Variants in PITPNB observed in about 807,000 individuals in gnomAD.
The protein encoded by PITPNB is phosphatidylinositol transfer protein beta isoform.
A neutral mutation model predicts 45.9 loss-of-function variants in PITPNB; 16 were observed. The ratio of observed to expected loss-of-function variants is 0.35; its 90% confidence interval spans 0.24 to 0.53. The LOEUF is 0.53. Ranked by LOEUF, PITPNB falls within the 20% of genes least tolerant of loss-of-function variation. PITPNB has a pLI of 0.93. For synonymous variants in PITPNB, 112 were observed against 108.9 expected, an observed-to-expected ratio of 1.03 and a Z score of -0.18; for missense variants, 188 against 330.5, an observed-to-expected ratio of 0.57 and a Z score of 3.34.
chr22:27,856,051 G>A (rs1320063642), intron 10 of PITPNB, among the ~76,000 whole-genome samples: 1 of 152,158 alleles, frequency 6.6e-6, no homozygotes, highest in Non-Finnish European at 1.5e-5. Flanking sequence ...TTGATTCTGT[G>A]TGTGGAACCA....
At chr22:27,874,027 C>T (rs540832925) in intron 7 of PITPNB, among the ~76,000 whole-genome samples, 1 of 152,322 alleles carries the variant, frequency 6.6e-6, no homozygotes, top group African/African-American at 2.4e-5. Context: ...TAAATAACTA[C>T]ATAATAAGAA....
intron 7 of PITPNB, among the ~76,000 whole-genome samples, chr22:27,892,506 C>T (rs5997321): frequency 1.1e-4 from 17 of 152,224 alleles, no homozygotes; most frequent in African/African-American, 4.1e-4. Context: ...AATGCCTTCC[C>T]CAGGGCACCC....
intron 1 of PITPNB, among the ~76,000 whole-genome samples, chr22:27,917,341 T>C (rs11705451): frequency 2.6e-5 from 4 of 152,192 alleles, no homozygotes; most frequent in African/African-American, 4.8e-5. Flanking sequence ...AATACTCCAA[T>C]GAAAGAAAAA....
chr22:27,884,320 G>C (rs1355922410), intron 7 of PITPNB, among the ~76,000 whole-genome samples: 1 of 152,208 alleles, frequency 6.6e-6, no homozygotes, highest in Non-Finnish European at 1.5e-5. Context: ...GTAAGGAAGA[G>C]GCACATGAGA....
At position 27,854,897 on chromosome 22, in the gene PITPNB, C is replaced by T; in HGVS notation, c.811G>A (p.Val271Ile). 1.2e-6 allele frequency: 2 copies of T among 1,613,838 alleles called. No individual in the cohort carries two copies. The highest frequency in any genetic ancestry group is 1.7e-6 in the Non-Finnish European group (2 of 1,179,718). ...TGACCCTACAGGGGACTCATCTAGA[C>T]ATCAGCAGCCGACGTGCCTCGAACG... Reference protein sequence around the residue: ...GSVRGTSAADV With the variant: ...GSVRGTSAADI Residue 271 changes from valine (V) to isoleucine (I), a missense_variant, in exon 11 of 12, where the codon GTC becomes ATC. Physicochemically the swap from Val to Ile is conservative, Grantham distance 29 (BLOSUM62 3). Transcript: ENST00000335272.
In PITPNB at chr22:27,854,936, G is replaced by T. The variant is rs1934129098; in HGVS notation, c.772C>A (p.Arg258Ser). The T allele has an allele frequency of 1.2e-6, 2 of 1,611,270 alleles. No individual in the cohort carries two copies. Among genetic ancestry groups the T allele is most frequent in the Non-Finnish European group, 1.7e-6 (2 of 1,177,524 alleles). The stretch of plus-strand genomic sequence containing the variant: ...GTGCCTCGAACGGAACCCCTCTTAC[G>T]CATCTAAACGTAAAATAAAATTGTG... ...DETQKELETM[R>S]KRGSVRGTSA... The change falls in exon 11 of 12, where the codon CGT becomes AGT. Residue 258 changes from arginine (R) to serine (S), a missense_variant. Transcript: ENST00000335272.
intron 3 of PITPNB, among the ~76,000 whole-genome samples, chr22:27,898,419 G>A (rs1235803022): frequency 6.6e-6 from 1 of 151,008 alleles, no homozygotes; most frequent in Admixed American, 6.6e-5. Context: ...TTGTGTGTGT[G>A]TGTGTGGTTT....
rs538129000 is a variant in PITPNB, at chr22:27,906,041, T to C, written c.197+4923A>G. ...AGACAAACATGCACATATGGAAATA[T>C]ATGACTAGGTATCAAAATGAGTCGA... On this transcript the variant is annotated intron_variant, in intron 3 of 11. Coordinates refer to ENST00000335272, the MANE Select transcript of PITPNB (RefSeq NM_012399.5). 6.6e-5 allele frequency among the ~76,000 whole-genome samples: 10 copies of C among 152,292 alleles called. No individual in the cohort carries two copies. The South Asian group carries it at 8.3e-4, about 13-fold the overall frequency.
intron 8 of PITPNB, among the ~76,000 whole-genome samples, chr22:27,872,993 C>T (rs923724787): frequency 8.6e-5 from 13 of 152,000 alleles, no homozygotes; most frequent in African/African-American, 2.2e-4. Flanking sequence ...ACTGGCTGGG[C>T]GCAGTGGCTC....
At chr22:27,900,415 A>G (rs1375520422) in intron 3 of PITPNB, among the ~76,000 whole-genome samples, 1 of 152,180 alleles carries the variant, frequency 6.6e-6, no homozygotes, top group Non-Finnish European at 1.5e-5. Flanking sequence ...CCAAATCTAC[A>G]TGAAAATTTT....
At chr22:27,859,128 G>A (rs1232937441) in intron 9 of PITPNB, among the ~76,000 whole-genome samples, 1 of 152,140 alleles carries the variant, frequency 6.6e-6, no homozygotes, top group Non-Finnish European at 1.5e-5. Flanking sequence ...GGAACAGTAA[G>A]TACTTCTGGA....
chr22:27,876,188 C>G (rs898610509), intron 7 of PITPNB, among the ~76,000 whole-genome samples: 4 of 152,166 alleles, frequency 2.6e-5, no homozygotes, highest in African/African-American at 9.7e-5. Flanking sequence ...GTACACCTCA[C>G]AGGATGATGG....
intron 7 of PITPNB, among the ~76,000 whole-genome samples, chr22:27,878,272 T>G (rs930844759): frequency 6.6e-6 from 1 of 152,188 alleles, no homozygotes; most frequent in Non-Finnish European, 1.5e-5. Context: ...TTGTGGCACC[T>G]AAATGAGTTC....
Position 27,904,293 on chromosome 22 carries a change from A to G in PITPNB, c.198-6401T>C, listed in dbSNP as rs1453919754. 2.6e-5 allele frequency among the ~76,000 whole-genome samples: 4 copies of G among 152,282 alleles called. No homozygotes were observed. The East Asian group carries it at 7.7e-4, about 29-fold the overall frequency. Reference sequence around the variant, plus strand: ...TGGCAGGCCTATACAATGGAATATTACTCAGCAATCAAAGCAGTAGTGATA... The same window carrying G: ...TGGCAGGCCTATACAATGGAATATTGCTCAGCAATCAAAGCAGTAGTGATA... On this transcript the variant is annotated intron_variant, in intron 3 of 11. Transcript: ENST00000335272.
intron 3 of PITPNB, 48 bp downstream of exon 3, chr22:27,910,916 A>AT (rs1362530745): frequency 1.3e-6 from 2 of 1,484,936 alleles, no homozygotes; most frequent in Admixed American, 1.7e-5. Context: ...TACATGCATC[A>AT]TAAGTAAGCC....
chr22:27,863,670 T>C (rs1934401744), intron 8 of PITPNB, among the ~76,000 whole-genome samples: 1 of 152,244 alleles, frequency 6.6e-6, no homozygotes, highest in Non-Finnish European at 1.5e-5. Flanking sequence ...AGAACACTGA[T>C]GCTTCAGAAT....
chr22:27,915,197 G>C (rs1936041404), intron 1 of PITPNB, among the ~76,000 whole-genome samples: 2 of 152,110 alleles, frequency 1.3e-5, no homozygotes, highest in South Asian at 4.1e-4. Context: ...TTCCAAGACA[G>C]CAACTTCCTT....
chr22:27,914,918 T>C (rs925271214), intron 1 of PITPNB, among the ~76,000 whole-genome samples: 2 of 152,090 alleles, frequency 1.3e-5, no homozygotes, highest in East Asian at 3.9e-4. Flanking sequence ...CTTATAATAA[T>C]CCCTTCCAGC....
chr22:27,897,709 C>T (rs756200633), intron 4 of PITPNB, 92 bp downstream of exon 4: 3 of 846,806 alleles, frequency 3.5e-6, no homozygotes, highest in Non-Finnish European at 6.1e-6. Flanking sequence ...GAAGACCTTG[C>T]TCAGTGTAAA....
Sources: gnomAD v4.1 joint callset for allele counts (sites outside exome capture counted in the v4.1 genomes callset) on GRCh38, gnomAD v4.1.1 for gene constraint, MANE v1.5 for transcripts, NCBI Gene and HGNC (gene_info 2026-07-23, HGNC 2026-07-21) for gene names.